The following RPS14 variants were observed in gnomAD, a reference collection of about 807,000 sequenced individuals.
The protein encoded by RPS14 is small ribosomal subunit protein uS11.
RPS14 carries 1 observed loss-of-function variant against 15.4 expected under a neutral mutation model. The ratio of observed to expected loss-of-function variants is 0.07; its 90% CI spans 0.02 to 0.31. RPS14 has a LOEUF of 0.31. Among genes scored for constraint, RPS14 ranks in the 10% least tolerant of loss-of-function variants. The pLI is 1.00. For missense variants in RPS14, 69 were observed against 205.5 expected (o/e 0.34, Z 4.06); for synonymous variants, 68 against 74.4 (o/e 0.91, Z 0.44).
In RPS14 at chr5:150,447,647, A is replaced by C. The variant is rs372608933; in HGVS notation, c.87T>G (p.Gly29=). 2.7e-5 allele frequency: 44 copies of C among 1,613,944 alleles called. No individual in the cohort carries two copies. The highest frequency in any genetic ancestry group is 3.4e-5 in the Non-Finnish European group (40 of 1,179,932). Residue 29 remains glycine, a synonymous_variant, in exon 2 of 5, where the codon GGT becomes GGG. Coordinates refer to ENST00000407193, the MANE Select transcript of RPS14 (RefSeq NM_005617.4). The part of the protein sequence containing the change: ...PQVAEGENVF[G]VCHIFASFND... ...TGAAGGATGCAAAGATATGGCAGAC[A>C]CCAAATACATTCTCTCCTTCAGCCA... is the stretch of plus-strand genomic sequence containing the variant.
Position 150,447,695 on chromosome 5 carries a change from C to T in RPS14, c.39G>A (p.Gln13=). 6.2e-7 allele frequency: 1 copy of T among 1,614,188 alleles called. No homozygotes were observed. The highest frequency in any genetic ancestry group is 8.5e-7 in the Non-Finnish European group (1 of 1,180,006). ...PRKGKEKKEE[Q]VISLGPQVAE... ...CCACCTGAGGTCCGAGGCTGATGACCTGTTCTTCCTTCTTTTCCTTCCCCT... is the reference window on the plus strand; with the variant it reads ...CCACCTGAGGTCCGAGGCTGATGACTTGTTCTTCCTTCTTTTCCTTCCCCT... Residue 13 remains glutamine (Q), a synonymous_variant, in exon 2 of 5, where the codon CAG becomes CAA. Transcript: ENST00000407193.
intron 4 of RPS14, chr5:150,444,675 G>C (rs1411139031): frequency 1.8e-6 from 1 of 541,684 alleles, no homozygotes; most frequent in East Asian, 4.5e-5. Context: ...CAGGGTAACT[G>C]CAACTGTCTC....
At chr5:150,445,747 C>T in intron 3 of RPS14, 62 bp from the exon 4 acceptor site, 2 of 1,323,216 alleles carry the variant, frequency 1.5e-6, no homozygotes, top group South Asian at 1.2e-5. Context: ...GATCTCCTTT[C>T]TAAGATCCCA....
chr5:150,447,836 T>C (rs956440906), intron 1 of RPS14, 101 bp from the exon 2 acceptor site: 2 of 1,287,520 alleles, frequency 1.6e-6, no homozygotes, highest in African/African-American at 3.0e-5. Flanking sequence ...TTCATGTCCC[T>C]GTCTTCTTCC....
Position 150,444,261 on chromosome 5 carries a change from C to A in RPS14, c.*25G>T, listed in dbSNP as rs1771022765. 1.2e-6 allele frequency: 2 copies of A among 1,600,336 alleles called. No homozygotes were observed. The highest frequency in any genetic ancestry group is 1.7e-5 in the Admixed American group (1 of 59,322). ...AGTTTACATGAAGGCAATTTATTAACAGAAAATATTTTGAGGAATCTTGTT... is the reference window on the plus strand; with the variant it reads ...AGTTTACATGAAGGCAATTTATTAAAAGAAAATATTTTGAGGAATCTTGTT... On this transcript the variant is annotated 3_prime_UTR_variant, in exon 5 of 5. Transcript: ENST00000407193.
rs1266203183 is a variant in RPS14, at chr5:150,445,674, G to T, written c.323C>A (p.Pro108His). The change falls in exon 4 of 5, where the codon CCT becomes CAT. Residue 108 changes from proline to histidine, a missense_variant. Transcript: ENST00000407193. ...GAGGGCCGACTGGGCCCCAGGTCCA[G>T]GGGTCTTGGTCCTAGAAAATGAAGG... Reference protein sequence around the residue: ...RATGGNRTKTPGPGAQSALRA... With the variant: ...RATGGNRTKTHGPGAQSALRA... 6.2e-7 allele frequency: 1 copy of T among 1,609,314 alleles called. No individual in the cohort carries two copies. Among genetic ancestry groups the T allele is most frequent in the Non-Finnish European group, 8.5e-7 (1 of 1,178,916 alleles).
intron 2 of RPS14, chr5:150,447,335 C>G (rs1412477713): frequency 1.8e-6 from 1 of 562,318 alleles, no homozygotes; most frequent in African/African-American, 1.9e-5. Flanking sequence ...GCAAAGGGAA[C>G]TAGGGAAAGA....
rs1771144493 is a variant in RPS14 at position 150,447,747 on chromosome 5, G to C, written c.-2-12C>G. 6.2e-6 allele frequency: 10 copies of C among 1,610,742 alleles called. No individual in the cohort carries two copies. The highest frequency in any genetic ancestry group is 7.6e-6 in the Non-Finnish European group (9 of 1,177,556). On this transcript the variant is annotated splice_polypyrimidine_tract_variant and intron_variant, in intron 1 of 4. Transcript: ENST00000407193. ...TCGAGGTGCCATTTCTGAGTGGAAG[G>C]AAAAGAAACTCAAGGTTAACAGACA...
Position 150,442,753 on chromosome 5 carries a change from T to C in RPS14, c.*1533A>G, listed in dbSNP as rs1290383967. 1 of 152,226 alleles carries C rather than the reference T, an allele frequency of 6.6e-6. No individual in the cohort carries two copies. The highest frequency in any genetic ancestry group is 2.4e-5 in the African/African-American group (1 of 41,452). 9.4% of individuals were successfully genotyped at this position (152,226 alleles called of 1,614,324 possible). On this transcript the variant is annotated 3_prime_UTR_variant, in exon 5 of 5. Coordinates refer to ENST00000407193, the MANE Select transcript of RPS14 (RefSeq NM_005617.4). ...CTTGCTCTGTGACCCAGGCTGAATGTAGTGATGCAATCACAGCTCACTGCG... is the reference window on the plus strand; with the variant it reads ...CTTGCTCTGTGACCCAGGCTGAATGCAGTGATGCAATCACAGCTCACTGCG...
intron 1 of RPS14, chr5:150,448,122 G>A (rs1244288313): frequency 6.0e-6 from 1 of 167,000 alleles, no homozygotes; most frequent in Non-Finnish European, 1.3e-5. Context: ...CATGGGGCGA[G>A]GGAGCTGCTT....
At chr5:150,444,856 C>A (rs537130327) in intron 4 of RPS14, among the ~76,000 whole-genome samples, 1 of 109,696 alleles carries the variant, frequency 9.1e-6, no homozygotes, top group Non-Finnish European at 2.2e-5. Flanking sequence ...TGAAACTCCC[C>A]GCTACAAAAA....
rs889615301 is a variant in RPS14, at chr5:150,446,101, A to G, written c.312-416T>C. Among the ~76,000 whole-genome samples, 344 of 93,568 alleles carry G rather than the reference A, an allele frequency of 3.7e-3. No homozygotes were observed. The highest frequency in any genetic ancestry group is 9.3e-3 in the African/African-American group (321 of 34,404). 61.4% of individuals were successfully genotyped at this position (93,568 alleles called of 152,430 possible). A position where few individuals can be genotyped will look rare whatever the true frequency, so the allele number is the denominator to read the frequency against. On this transcript the variant is annotated intron_variant, in intron 3 of 4. Transcript: ENST00000407193. This position sits in a 1 kb window ranked among gnomAD's most constrained non-coding sequence, Gnocchi z 4.2. ...TGAGACCCTGTCTCAAAAAAGAGGA[A>G]AAAAAAAAAAGCCAGACAGTAAATA...
At chr5:150,445,128 C>T (rs1561567297) in intron 4 of RPS14, among the ~76,000 whole-genome samples, 1 of 152,236 alleles carries the variant, frequency 6.6e-6, no homozygotes, top group Non-Finnish European at 1.5e-5. Context: ...GGAAAGACTA[C>T]TGTTCCCTTC....
Position 150,447,490 on chromosome 5 carries a change from T to A in RPS14, c.149+95A>T, listed in dbSNP as rs1581277831. On this transcript the variant is annotated intron_variant, in intron 2 of 4. Coordinates refer to ENST00000407193, the MANE Select transcript of RPS14 (RefSeq NM_005617.4). The stretch of plus-strand genomic sequence containing the variant: ...TTTTCTTACCTGGACAAAACAGCAT[T>A]TCTTTAGAGAGAATCCCCTGAACTG... 6.3e-6 allele frequency: 8 copies of A among 1,261,172 alleles called. No homozygotes were observed. In the East Asian group the frequency reaches 1.9e-4, roughly 29 times the overall value. 78.1% of individuals were successfully genotyped at this position (1,261,172 alleles called of 1,614,324 possible).
rs13161261 is a variant in RPS14 at position 150,442,844 on chromosome 5, G to A, written c.*1442C>T. On this transcript the variant is annotated 3_prime_UTR_variant, in exon 5 of 5. Transcript: ENST00000407193. The stretch of plus-strand genomic sequence containing the variant: ...CTCCCAAGTAGCTGGCAGTACAGAC[G>A]TGTGCCACCATGCCCAGCTAATTTT... 32,941 of 152,084 alleles carry A rather than the reference G, an allele frequency of 0.22. 4,245 individuals are homozygous for A. The highest frequency in any genetic ancestry group is 0.4 in the South Asian group (1,933 of 4,816). 9.4% of individuals were successfully genotyped at this position (152,084 alleles called of 1,614,324 possible).
At position 150,446,099 on chromosome 5, in the gene RPS14, GA is replaced by G. The variant is rs35045371; in HGVS notation, c.312-415del. Among the ~76,000 whole-genome samples, 32,359 of 144,054 alleles carry G rather than the reference GA, an allele frequency of 0.22. 4,073 individuals carry two copies. Among genetic ancestry groups the G allele is most frequent in the South Asian group, 0.41 (1,888 of 4,616 alleles). 94.5% of individuals were successfully genotyped at this position (144,054 alleles called of 152,430 possible). A position where few individuals can be genotyped will look rare whatever the true frequency, so the allele number is the denominator to read the frequency against. ...AGTGAGACCCTGTCTCAAAAAAGAGGAAAAAAAAAAAAGCCAGACAGTAAAT... is the reference window on the plus strand; with the variant it reads ...AGTGAGACCCTGTCTCAAAAAAGAGGAAAAAAAAAAAGCCAGACAGTAAAT... On this transcript the variant is annotated intron_variant, in intron 3 of 4. Coordinates refer to ENST00000407193, the MANE Select transcript of RPS14 (RefSeq NM_005617.4). The surrounding 1 kb of genome is among the most constrained non-coding windows in gnomAD (Gnocchi z 4.2).
intron 2 of RPS14, 77 bp from the exon 3 acceptor site, chr5:150,447,040 A>C (rs1420002211): frequency 6.5e-6 from 10 of 1,535,138 alleles, no homozygotes. Flanking sequence ...GTGAAGAGCA[A>C]CACAGCTCAG....
intron 2 of RPS14, 199 bp downstream of exon 2, chr5:150,447,386 C>T: frequency 1.7e-6 from 1 of 603,372 alleles, no homozygotes; most frequent in Non-Finnish European, 3.0e-6. Flanking sequence ...GACCATCACG[C>T]TGTAAGGACG....
chr5:150,444,071 G>T lies in RPS14; in HGVS notation c.*215C>A. 1 of 576,058 alleles carries T rather than the reference G, an allele frequency of 1.7e-6. No individual in the cohort carries two copies. The highest frequency in any genetic ancestry group is 2.7e-6 in the Non-Finnish European group (1 of 366,520). 35.7% of individuals were successfully genotyped at this position (576,058 alleles called of 1,614,324 possible). ...GTCTCCAACGCCTTGGTCTGCTTTA[G>T]ATGACCAAGGCAACTTAATGCCGCA... On this transcript the variant is annotated 3_prime_UTR_variant, in exon 5 of 5. Transcript: ENST00000407193.
Sources: gnomAD v4.1 joint callset for allele counts (sites outside exome capture counted in the v4.1 genomes callset) on GRCh38, gnomAD v4.1.1 for gene constraint, Gnocchi (gnomAD v3.1) non-coding constraint, MANE v1.5 for transcripts, NCBI Gene and HGNC (gene_info 2026-07-23, HGNC 2026-07-21) for gene names.